The following B3GALNT2 variants were observed in gnomAD, a reference collection of about 807,000 sequenced individuals.
The protein encoded by B3GALNT2 is UDP-GalNAc:beta-1,3-N-acetylgalactosaminyltransferase 2.
B3GALNT2 carries 53 observed loss-of-function variants against 61.1 expected under a neutral mutation model. The ratio of observed to expected loss-of-function variants is 0.87; its 90% CI spans 0.70 to 1.09. The LOEUF (loss-of-function observed/expected upper bound fraction) is 1.09, where lower values mean the gene tolerates loss of function less well. B3GALNT2 is among the 50% of genes least tolerant of loss of function. The pLI is 0.00. For synonymous variants in B3GALNT2, 223 were observed against 237.4 expected, an observed-to-expected ratio of 0.94 and a Z score of 0.56; for missense variants, 544 against 623.0, an observed-to-expected ratio of 0.87 and a Z score of 1.35.
intron 8 of B3GALNT2, among the ~76,000 whole-genome samples, chr1:235,456,798 C>T (rs2102786581): frequency 6.6e-6 from 1 of 152,326 alleles, no homozygotes; most frequent in South Asian, 2.1e-4. Context: ...CCGGGGCTGA[C>T]TCTTAGCCCT....
At chr1:235,445,804 T>C (rs1289372117), downstream of B3GALNT2, among the ~76,000 whole-genome samples, 1 of 152,192 alleles carries the variant, frequency 6.6e-6, no homozygotes, top group Non-Finnish European at 1.5e-5. Context: ...CCAAGCATTG[T>C]ATCTTGCAGC....
Position 235,450,209 on chromosome 1 carries a change from T to A in B3GALNT2, c.1500A>T (p.Arg500Ser). The A allele has an allele frequency of 6.2e-7, 1 of 1,614,156 alleles. No homozygotes were observed. The change falls in exon 12 of 12, where the codon AGA becomes AGT. Residue 500 changes from arginine (R) to serine (S), a missense_variant. By Grantham distance (110) the Arg-to-Ser change is moderately radical. Transcript: ENST00000366600. Reference protein sequence around the residue: ...RCGDPCRCQAR With the variant: ...RCGDPCRCQAS ...ACTCTGCTAATTCAAGTCCCTGTTA[T>A]CTTGCTTGACATCGACAAGGATCAC...
At chr1:235,442,821 CAATT>C, downstream of B3GALNT2, 1 of 1,599,184 alleles carries the variant, frequency 6.3e-7, no homozygotes, top group Non-Finnish European at 8.6e-7. Flanking sequence ...TAGTAGATAT[CAATT>C]AGTCTTTTTC....
intron 1 of B3GALNT2, 100 bp downstream of exon 1, chr1:235,504,041 C>G (rs985783260): frequency 1.7e-6 from 2 of 1,170,144 alleles, no homozygotes; most frequent in African/African-American, 3.2e-5. Flanking sequence ...GCGTTTGGCC[C>G]TTCCCCCGCC....
chr1:235,454,158 G>C lies in B3GALNT2; in HGVS notation c.1309C>G (p.Gln437Glu). The change falls in exon 10 of 12, where the codon CAG becomes GAG. Residue 437 changes from glutamine (Q) to glutamate (E), a missense_variant and splice_region_variant. By Grantham distance (29) the Gln-to-Glu change is conservative. Coordinates refer to ENST00000366600, the MANE Select transcript of B3GALNT2 (RefSeq NM_152490.5). ...CAAGCTAAGAAATTCTTAATTACCT[G>C]ATAGGTCTTTAACCTCCCCGAGTTG... Reference protein sequence around the residue: ...ASNSGRLKTYQGEDVSMGIWM... With the variant: ...ASNSGRLKTYEGEDVSMGIWM... 4 of 1,603,688 alleles carry C rather than the reference G, an allele frequency of 2.5e-6. No homozygotes were observed. Among genetic ancestry groups the C allele is most frequent in the Non-Finnish European group, 3.4e-6 (4 of 1,175,372 alleles).
chr1:235,454,040 T>C lies in B3GALNT2; in HGVS notation c.1311+116A>G, dbSNP rs553140850. The C allele has an allele frequency of 2.8e-4, 267 of 960,460 alleles. 3 individuals are homozygous for C. The African/African-American group carries it at 4.0e-3, about 14-fold the overall frequency. The allele number at this position is 960,460 out of a possible 1,614,324, so 59.5% of individuals were successfully genotyped here. A position where few individuals can be genotyped will look rare whatever the true frequency, so the allele number is the denominator to read the frequency against. On this transcript the variant is annotated intron_variant, in intron 10 of 11. Coordinates refer to ENST00000366600, the MANE Select transcript of B3GALNT2 (RefSeq NM_152490.5). ...TTATTATAGAGATGGGGTCTTGCTA[T>C]GTTACCCAGGCTGGTCTTGAATTCC...
Position 235,448,417 on chromosome 1 carries a change from C to G in B3GALNT2, c.*1789G>C, listed in dbSNP as rs1209192659. 1.5e-5 allele frequency: 24 copies of G among 1,613,940 alleles called. No homozygotes were observed. The Admixed American group carries it at 4.0e-4, about 27-fold the overall frequency. Reference sequence around the variant, plus strand: ...TCTCAAAGTTCCTGTGTCAGACCTTCTGTTGTCCTATGAAAGTCCCAAAGT... The same window carrying G: ...TCTCAAAGTTCCTGTGTCAGACCTTGTGTTGTCCTATGAAAGTCCCAAAGT... On this transcript the variant is annotated 3_prime_UTR_variant, in exon 12 of 12. Coordinates refer to ENST00000366600, the MANE Select transcript of B3GALNT2 (RefSeq NM_152490.5).
In B3GALNT2 at chr1:235,448,239, AAG is replaced by A; in HGVS notation, c.*1965_*1966del. ...CAGTCTCAAAAAAAAAAAAAAAAAA[AAG>A]ACAGATACAGCTATCATTGCAATGA... On this transcript the variant is annotated 3_prime_UTR_variant, in exon 12 of 12. Coordinates refer to ENST00000366600, the MANE Select transcript of B3GALNT2 (RefSeq NM_152490.5). 4.7e-6 allele frequency: 4 copies of A among 843,244 alleles called. No homozygotes were observed. The highest frequency in any genetic ancestry group is 1.7e-5 in the African/African-American group (1 of 58,042). 52.2% of individuals were successfully genotyped at this position (843,244 alleles called of 1,614,324 possible).
At chr1:235,502,465 C>T (rs1685626353) in intron 1 of B3GALNT2, among the ~76,000 whole-genome samples, 3 of 152,342 alleles carry the variant, frequency 2.0e-5, no homozygotes, top group African/African-American at 4.8e-5. Context: ...ACCAGATACA[C>T]AGTACTCATT....
rs950493106 is a variant in B3GALNT2, at chr1:235,448,861, G to T, written c.*1345C>A. ...GAACAATTCTACTGTCAAAACAAAGGGGGTTTACAACTTGTCCTAAGTATA... is the reference window on the plus strand; with the variant it reads ...GAACAATTCTACTGTCAAAACAAAGTGGGTTTACAACTTGTCCTAAGTATA... On this transcript the variant is annotated 3_prime_UTR_variant, in exon 12 of 12. Transcript: ENST00000366600. 1 of 933,632 alleles carries T rather than the reference G, an allele frequency of 1.1e-6. No individual in the cohort carries two copies. The highest frequency in any genetic ancestry group is 2.1e-4 in the Middle Eastern group (1 of 4,808). 57.8% of individuals were successfully genotyped at this position (933,632 alleles called of 1,614,324 possible).
chr1:235,456,545 T>C (rs1247593894), intron 8 of B3GALNT2, among the ~76,000 whole-genome samples: 1 of 152,202 alleles, frequency 6.6e-6, no homozygotes, highest in Admixed American at 6.5e-5. Context: ...ATTAGAAATT[T>C]CATGATAAAG....
In B3GALNT2 at chr1:235,448,989, A is replaced by G. The variant is rs562656404; in HGVS notation, c.*1217T>C. ...ACTAATGATTTTCTGATCTTATTTC[A>G]TATTTATTTTTACAGCTCATCACTG... On this transcript the variant is annotated 3_prime_UTR_variant, in exon 12 of 12. Transcript: ENST00000366600. 165 of 457,592 alleles carry G rather than the reference A, an allele frequency of 3.6e-4. 2 individuals carry two copies. The highest frequency in any genetic ancestry group is 3.4e-3 in the South Asian group (160 of 46,868). 28.3% of individuals were successfully genotyped at this position (457,592 alleles called of 1,614,324 possible). A position where few individuals can be genotyped will look rare whatever the true frequency, so the allele number is the denominator to read the frequency against.
chr1:235,470,699 G>A (rs1323170659), intron 6 of B3GALNT2, 151 bp downstream of exon 6: 7 of 1,210,108 alleles, frequency 5.8e-6, no homozygotes, highest in Non-Finnish European at 7.5e-6. Flanking sequence ...CCTTTACTAT[G>A]AAGACAACAA....
At chr1:235,472,702 C>T (rs1684057834) in intron 5 of B3GALNT2, among the ~76,000 whole-genome samples, 1 of 152,022 alleles carries the variant, frequency 6.6e-6, no homozygotes, top group Non-Finnish European at 1.5e-5. Flanking sequence ...CCAGAATTGA[C>T]TATAGTATAG....
At chr1:235,443,224 C>T (rs930755214), downstream of B3GALNT2, among the ~76,000 whole-genome samples, 7 of 151,616 alleles carry the variant, frequency 4.6e-5, no homozygotes, top group African/African-American at 1.5e-4. Flanking sequence ...TTTTTTGAGA[C>T]AGGGCCTCAC....
rs565013842 is a variant in B3GALNT2 at position 235,465,644 on chromosome 1, G to A, written c.833C>T (p.Thr278Ile). Residue 278 changes from threonine to isoleucine, a missense_variant, in exon 7 of 12, where the codon ACT becomes ATT. Thr to Ile is a moderately conservative substitution (Grantham distance 89). Coordinates refer to ENST00000366600, the MANE Select transcript of B3GALNT2 (RefSeq NM_152490.5). ...VEGVAGGFIY[T>I]IQEGDALLHN... is the part of the protein sequence containing the mutation. The stretch of plus-strand genomic sequence containing the variant: ...TCAACTAGCAAACTTACCCTGAATA[G>A]TATATATAAAACCACCTGCAACTCC... The A allele has an allele frequency of 6.2e-6, 10 of 1,614,010 alleles. No homozygotes were observed. The Admixed American group carries it at 1.2e-4, about 19-fold the overall frequency.
At chr1:235,453,036 A>C (rs1682999619) in intron 11 of B3GALNT2, 54 bp downstream of exon 11, 6 of 1,467,958 alleles carry the variant, frequency 4.1e-6, no homozygotes, top group Non-Finnish European at 5.7e-6. Context: ...ACCTGTATAT[A>C]GAAATCCACC....
At chr1:235,453,264 T>G in intron 10 of B3GALNT2, 118 bp from the exon 11 acceptor site, 1 of 1,038,784 alleles carries the variant, frequency 9.6e-7, no homozygotes, top group South Asian at 1.5e-5. Context: ...CTGTTATTAT[T>G]CTAATATGAA....
intron 4 of B3GALNT2, among the ~76,000 whole-genome samples, chr1:235,482,850 C>G (rs34701542): frequency 0.013 from 2,043 of 151,992 alleles, 26 homozygotes; most frequent in South Asian, 0.04. Context: ...AACCGAAACC[C>G]AAACCAAAAA....
Sources: gnomAD v4.1 joint callset for allele counts (sites outside exome capture counted in the v4.1 genomes callset) on GRCh38, gnomAD v4.1.1 for gene constraint, MANE v1.5 for transcripts, NCBI Gene and HGNC (gene_info 2026-07-23, HGNC 2026-07-21) for gene names.